The following PCDHB5 variants were observed in gnomAD, a reference collection of about 807,000 sequenced individuals.
The protein encoded by PCDHB5 is protocadherin beta-5.
For synonymous variants in PCDHB5, 569 were observed against 462.2 expected (o/e 1.23, Z -2.96); for missense variants, 1,125 against 1,029.4 (o/e 1.09, Z -1.27).
At position 141,136,992 on chromosome 5, in the gene PCDHB5, T is replaced by C; in HGVS notation, c.1558T>C (p.Tyr520His). The change falls in exon 1 of 1, where the codon TAC becomes CAC. Residue 520 changes from tyrosine to histidine, a missense_variant. Coordinates refer to ENST00000231134, the MANE Select transcript of PCDHB5 (RefSeq NM_015669.5). ...CCTGTTTGCCCTCAGGTCGCTGGAC[T>C]ACGAGGCCCTGCAGGCGTTCGAGTT... ...GHLFALRSLDYEALQAFEFRV... is the reference protein window; with the variant it reads ...GHLFALRSLDHEALQAFEFRV... The C allele has an allele frequency of 6.2e-7, 1 of 1,612,368 alleles. No homozygotes were observed. The highest frequency in any genetic ancestry group is 1.1e-5 in the South Asian group (1 of 91,000).
At position 141,137,262 on chromosome 5, in the gene PCDHB5, G is replaced by C. The variant is rs782333688; in HGVS notation, c.1828G>C (p.Glu610Gln). 3.7e-6 allele frequency: 6 copies of C among 1,610,702 alleles called. No homozygotes were observed. The East Asian group carries it at 1.3e-4, about 36-fold the overall frequency. ...GTCGTACCAGCTGCTCAAGGCCACG[G>C]AGCCCGGGCTGTTCAGCATGTGGGC... Reference protein sequence around the residue: ...WLSYQLLKATEPGLFSMWAHN... With the variant: ...WLSYQLLKATQPGLFSMWAHN... The change falls in exon 1 of 1, where the codon GAG becomes CAG. Residue 610 changes from glutamate (E) to glutamine (Q), a missense_variant. Glu to Gln is a conservative substitution (Grantham distance 29, BLOSUM62 2). Transcript: ENST00000231134.
Position 141,137,467 on chromosome 5 carries a change from C to A in PCDHB5, c.2033C>A (p.Ala678Asp), listed in dbSNP as rs781831543. 3 of 1,612,558 alleles carry A rather than the reference C, an allele frequency of 1.9e-6. No individual in the cohort carries two copies. Among genetic ancestry groups the A allele is most frequent in the Non-Finnish European group, 1.7e-6 (2 of 1,179,698 alleles). The change falls in exon 1 of 1, where the codon GCC becomes GAC. Residue 678 changes from alanine to aspartate, a missense_variant. By Grantham distance (126) the Ala-to-Asp change is moderately radical (BLOSUM62 -2). Transcript: ENST00000231134. Reference sequence around the variant, plus strand: ...CTGCCGCTGCCGGAGGCGGCCCCGGCCCAGGCCCAGGCCGACTCGCTCACT... The same window carrying A: ...CTGCCGCTGCCGGAGGCGGCCCCGGACCAGGCCCAGGCCGACTCGCTCACT... ...PYLPLPEAAP[A>D]QAQADSLTVY...
rs782644196 is a variant in PCDHB5 at position 141,135,623 on chromosome 5, CG to C, written c.190del (p.Ala64ArgfsTer16). On this transcript the variant is annotated frameshift_variant, in exon 1 of 1. Transcript: ENST00000231134. LOFTEE classifies it low-confidence loss of function (END_TRUNC). ...GGGTGGGGGAACTGGCCACTCGGGGCGCGCGAATGCATTACAAAGGAAACAA... is the reference window on the plus strand; with the variant it reads ...GGGTGGGGGAACTGGCCACTCGGGGCCGCGAATGCATTACAAAGGAAACAA... ...LGVGELATRG[A>X]RMHYKGNKEL... The C allele has an allele frequency of 6.2e-6, 10 of 1,613,990 alleles. No individual in the cohort carries two copies. The Admixed American group carries it at 1.7e-4, about 27-fold the overall frequency.
Position 141,136,871 on chromosome 5 carries a change from A to G in PCDHB5, c.1437A>G (p.Ser479=), listed in dbSNP as rs61741162. The G allele has an allele frequency of 2.1e-4, 340 of 1,612,768 alleles. 2 individuals are homozygous for G. In the South Asian group the frequency reaches 2.1e-3, roughly 10 times the overall value. Residue 479 remains serine, a synonymous_variant, in exon 1 of 1, where the codon TCA becomes TCG. Coordinates refer to ENST00000231134, the MANE Select transcript of PCDHB5 (RefSeq NM_015669.5). ...IGSVSATDRD[S]GTNAQVTYSL... is the part of the protein sequence containing the mutation. Reference sequence around the variant, plus strand: ...GTGTCAGCGCCACAGACAGAGACTCAGGCACCAACGCCCAGGTCACCTACT... The same window carrying G: ...GTGTCAGCGCCACAGACAGAGACTCGGGCACCAACGCCCAGGTCACCTACT...
rs1354730525 is a variant in PCDHB5 at position 141,135,384 on chromosome 5, G to A, written c.-51G>A. The A allele has an allele frequency of 1.6e-6, 2 of 1,250,236 alleles. No homozygotes were observed. Among genetic ancestry groups the A allele is most frequent in the South Asian group, 1.4e-5 (1 of 69,748 alleles). The allele number at this position is 1,250,236 out of a possible 1,614,324, so 77.4% of individuals were successfully genotyped here. A position where few individuals can be genotyped will look rare whatever the true frequency, so the allele number is the denominator to read the frequency against. The stretch of plus-strand genomic sequence containing the variant: ...TCGCGGTTATTTATGCAAATCATCT[G>A]GGTGGATTGTGTACGGAGTTAAACT... On this transcript the variant is annotated 5_prime_UTR_variant, in exon 1 of 1. An upstream open reading frame in the 5' UTR gains an earlier in-frame stop. Transcript: ENST00000231134.
Position 141,137,636 on chromosome 5 carries a change from T to G in PCDHB5, c.2202T>G (p.His734Gln), listed in dbSNP as rs781925954. 13 of 1,613,880 alleles carry G rather than the reference T, an allele frequency of 8.1e-6. No individual in the cohort carries two copies. Among genetic ancestry groups the G allele is most frequent in the East Asian group, 6.7e-5 (3 of 44,880 alleles). The change falls in exon 1 of 1, where the codon CAT becomes CAG. Residue 734 changes from histidine (H) to glutamine (Q), a missense_variant. Transcript: ENST00000231134. Reference protein sequence around the residue: ...CSVPEGPFPGHLVDVSGTGTL... With the variant: ...CSVPEGPFPGQLVDVSGTGTL... ...TGCCCGAGGGCCCCTTTCCAGGGCA[T>G]CTGGTGGACGTGAGCGGCACCGGGA...
At position 141,137,038 on chromosome 5, in the gene PCDHB5, G is replaced by T. The variant is rs61745762; in HGVS notation, c.1604G>T (p.Arg535Leu). Residue 535 changes from arginine to leucine, a missense_variant, in exon 1 of 1, where the codon CGC becomes CTC. Transcript: ENST00000231134. ...AFEFRVGATD[R>L]GSPALSSEAL... ...GAGTTCCGCGTGGGAGCCACAGACC[G>T]CGGCTCCCCGGCGCTGAGCAGCGAG... 6.2e-7 allele frequency: 1 copy of T among 1,611,802 alleles called. No homozygotes were observed. Among genetic ancestry groups the T allele is most frequent in the Non-Finnish European group, 8.5e-7 (1 of 1,179,774 alleles).
chr5:141,138,193 A>C lies in PCDHB5; in HGVS notation c.*371A>C, dbSNP rs782506530. 13 of 174,536 alleles carry C rather than the reference A, an allele frequency of 7.4e-5. No homozygotes were observed. Among genetic ancestry groups the C allele is most frequent in the Non-Finnish European group, 1.3e-4 (10 of 79,866 alleles). The allele number at this position is 174,536 out of a possible 1,614,324, so 10.8% of individuals were successfully genotyped here. A position where few individuals can be genotyped will look rare whatever the true frequency, so the allele number is the denominator to read the frequency against. ...TTATATATTTGATGCTAAAATGCAA[A>C]AATTAAAAATGTTTCACATCATCAT... On this transcript the variant is annotated 3_prime_UTR_variant, in exon 1 of 1. Transcript: ENST00000231134.
In PCDHB5 at chr5:141,136,864, G is replaced by C; in HGVS notation, c.1430G>C (p.Arg477Thr). ...LHIGSVSATD[R>T]DSGTNAQVTY... ...ATCGGCAGTGTCAGCGCCACAGACA[G>C]AGACTCAGGCACCAACGCCCAGGTC... The change falls in exon 1 of 1, where the codon AGA becomes ACA. Residue 477 changes from arginine to threonine, a missense_variant. Arg to Thr is a moderately conservative substitution (Grantham distance 71). Coordinates refer to ENST00000231134, the MANE Select transcript of PCDHB5 (RefSeq NM_015669.5). 6.2e-7 allele frequency: 1 copy of C among 1,612,870 alleles called. No individual in the cohort carries two copies. The highest frequency in any genetic ancestry group is 8.5e-7 in the Non-Finnish European group (1 of 1,180,022).
In PCDHB5 at chr5:141,135,598, GGGTGGGGGAACTGGCCACTC is replaced by G; in HGVS notation, c.167_186del (p.Val56GlyfsTer16). The G allele has an allele frequency of 6.2e-7, 1 of 1,614,052 alleles. No homozygotes were observed. The highest frequency in any genetic ancestry group is 8.5e-7 in the Non-Finnish European group (1 of 1,180,036). On this transcript the variant is annotated frameshift_variant, in exon 1 of 1. Transcript: ENST00000231134. LOFTEE classifies it low-confidence loss of function (END_TRUNC). ...AACCTGGCAAAAGACCTGGGTCTTG[GGGTGGGGGAACTGGCCACTC>G]GGGGCGCGCGAATGCATTACAAAGG... is the stretch of plus-strand genomic sequence containing the variant.
chr5:141,136,258 G>C lies in PCDHB5; in HGVS notation c.824G>C (p.Gly275Ala), dbSNP rs1554275852. The C allele has an allele frequency of 6.2e-7, 1 of 1,613,928 alleles. No individual in the cohort carries two copies. Among genetic ancestry groups the C allele is most frequent in the Non-Finnish European group, 8.5e-7 (1 of 1,179,810 alleles). Residue 275 changes from glycine (G) to alanine (A), a missense_variant, in exon 1 of 1, where the codon GGG (glycine) becomes GCG (alanine). By Grantham distance (60) the Gly-to-Ala change is moderately conservative (BLOSUM62 0). Coordinates refer to ENST00000231134, the MANE Select transcript of PCDHB5 (RefSeq NM_015669.5). ...SARDLDAGAY[G>A]SVAYALFQGD... ...CGAGATTTAGATGCAGGAGCATATGGGAGTGTAGCCTATGCTCTATTCCAA... is the reference window on the plus strand; with the variant it reads ...CGAGATTTAGATGCAGGAGCATATGCGAGTGTAGCCTATGCTCTATTCCAA...
In PCDHB5 at chr5:141,137,563, T is replaced by C. The variant is rs1554276255; in HGVS notation, c.2129T>C (p.Val710Ala). The change falls in exon 1 of 1, where the codon GTG becomes GCG. Residue 710 changes from valine (V) to alanine (A), a missense_variant. Val to Ala is a moderately conservative substitution (Grantham distance 64). Transcript: ENST00000231134. The part of the protein sequence containing the change: ...FLFSVLLFVA[V>A]RLCRRSRAAP... The stretch of plus-strand genomic sequence containing the variant: ...TTTTCGGTGCTCCTGTTCGTGGCAG[T>C]GCGGCTGTGCAGGAGGAGCAGGGCG... 1.2e-6 allele frequency: 2 copies of C among 1,612,560 alleles called. No individual in the cohort carries two copies.
chr5:141,137,357 G>A lies in PCDHB5; in HGVS notation c.1923G>A (p.Val641=). ...ACGCGGCCAAGCACAGGCTGGTGGT[G>A]CTGGTCAAGGACAATGGCGAGCCTC... The part of the protein sequence containing the change: ...ERDAAKHRLV[V]LVKDNGEPPR... Residue 641 remains valine, a synonymous_variant, in exon 1 of 1, where the codon GTG becomes GTA. Coordinates refer to ENST00000231134, the MANE Select transcript of PCDHB5 (RefSeq NM_015669.5). The A allele has an allele frequency of 6.2e-7, 1 of 1,609,784 alleles. No homozygotes were observed. The highest frequency in any genetic ancestry group is 1.1e-5 in the South Asian group (1 of 90,928).
rs1554276135 is a variant in PCDHB5, at chr5:141,137,184, C to G, written c.1750C>G (p.Leu584Val). Residue 584 changes from leucine to valine, a missense_variant, in exon 1 of 1, where the codon CTG becomes GTG. Coordinates refer to ENST00000231134, the MANE Select transcript of PCDHB5 (RefSeq NM_015669.5). Reference protein sequence around the residue: ...LVPRAAEPGYLVTKVVAVDGD... With the variant: ...LVPRAAEPGYVVTKVVAVDGD... ...GCCCCGGGCGGCCGAGCCGGGCTAC[C>G]TGGTGACCAAGGTGGTGGCGGTGGA... 1.2e-6 allele frequency: 2 copies of G among 1,611,082 alleles called. No individual in the cohort carries two copies. Among genetic ancestry groups the G allele is most frequent in the Non-Finnish European group, 1.7e-6 (2 of 1,179,612 alleles).
Position 141,136,738 on chromosome 5 carries a change from A to T in PCDHB5, c.1304A>T (p.Asn435Ile). The T allele has an allele frequency of 6.2e-7, 1 of 1,614,036 alleles. No homozygotes were observed. The highest frequency in any genetic ancestry group is 8.5e-7 in the Non-Finnish European group (1 of 1,180,008). ...ACACCCAGGCTGAAAACCGAGCACA[A>T]CATAACGGTCCTGGTCTCCGACGTC... The part of the protein sequence containing the change: ...MGTPRLKTEH[N>I]ITVLVSDVND... Residue 435 changes from asparagine (N) to isoleucine (I), a missense_variant, in exon 1 of 1, where the codon AAC (asparagine) becomes ATC (isoleucine). Physicochemically the swap from Asn to Ile is moderately radical, Grantham distance 149. Coordinates refer to ENST00000231134, the MANE Select transcript of PCDHB5 (RefSeq NM_015669.5).
chr5:141,136,447 A>C lies in PCDHB5; in HGVS notation c.1013A>C (p.Asp338Ala). The change falls in exon 1 of 1, where the codon GAT becomes GCT. Residue 338 changes from aspartate (D) to alanine (A), a missense_variant. By Grantham distance (126) the Asp-to-Ala change is moderately radical. Transcript: ENST00000231134. ...TGCACTGTGGCTATAGAAGTGGTGG[A>C]TGTGAATGACAACGCCCCTGAACTC... ...GKCTVAIEVV[D>A]VNDNAPELTM... The C allele has an allele frequency of 6.2e-7, 1 of 1,614,174 alleles. No individual in the cohort carries two copies. The highest frequency in any genetic ancestry group is 8.5e-7 in the Non-Finnish European group (1 of 1,180,032).
Position 141,136,268 on chromosome 5 carries a change from C to G in PCDHB5, c.834C>G (p.Ala278=), listed in dbSNP as rs1554275858. ...DLDAGAYGSV[A]YALFQGDEVT... ...ATGCAGGAGCATATGGGAGTGTAGC[C>G]TATGCTCTATTCCAAGGCGATGAAG... The change falls in exon 1 of 1, where the codon GCC becomes GCG. Residue 278 remains alanine (A), a synonymous_variant. Coordinates refer to ENST00000231134, the MANE Select transcript of PCDHB5 (RefSeq NM_015669.5). 6.2e-7 allele frequency: 1 copy of G among 1,613,860 alleles called. No homozygotes were observed. The highest frequency in any genetic ancestry group is 1.3e-5 in the African/African-American group (1 of 75,036).
chr5:141,136,227 T>G lies in PCDHB5; in HGVS notation c.793T>G (p.Ser265Ala). ...CCTTAACTCCTTAGTTGTCGTTGTCTCCGCTCGAGATTTAGATGCAGGAGC... is the reference window on the plus strand; with the variant it reads ...CCTTAACTCCTTAGTTGTCGTTGTCGCCGCTCGAGATTTAGATGCAGGAGC... Reference protein sequence around the residue: ...SPLNSLVVVVSARDLDAGAYG... With the variant: ...SPLNSLVVVVAARDLDAGAYG... Residue 265 changes from serine to alanine, a missense_variant, in exon 1 of 1, where the codon TCC becomes GCC. Coordinates refer to ENST00000231134, the MANE Select transcript of PCDHB5 (RefSeq NM_015669.5). 6.2e-7 allele frequency: 1 copy of G among 1,614,130 alleles called. No individual in the cohort carries two copies. Among genetic ancestry groups the G allele is most frequent in the South Asian group, 1.1e-5 (1 of 91,056 alleles).
chr5:141,136,612 A>C lies in PCDHB5; in HGVS notation c.1178A>C (p.Lys393Thr). The change falls in exon 1 of 1, where the codon AAG becomes ACG. Residue 393 changes from lysine to threonine, a missense_variant. Transcript: ENST00000231134. ...CAGAATGATCTCCCCTTTCTTTTGAAGCCCACATTAAAAAACTTTTACACC... is the reference window on the plus strand; with the variant it reads ...CAGAATGATCTCCCCTTTCTTTTGACGCCCACATTAAAAAACTTTTACACC... ...SIQNDLPFLL[K>T]PTLKNFYTLV... The C allele has an allele frequency of 6.2e-7, 1 of 1,614,122 alleles. No homozygotes were observed. The highest frequency in any genetic ancestry group is 1.1e-5 in the South Asian group (1 of 91,062).
Sources: gnomAD v4.1 joint callset for allele counts on GRCh38, gnomAD v4.1.1 for gene constraint, MANE v1.5 for transcripts, NCBI Gene and HGNC (gene_info 2026-07-23, HGNC 2026-07-21) for gene names.